EHHADH: variants seen among roughly 807,000 people sequenced by gnomAD.
EHHADH encodes the protein enoyl-CoA hydratase and 3-hydroxyacyl CoA dehydrogenase.
EHHADH carries 48 observed loss-of-function variants against 64.4 expected under a neutral mutation model. The ratio of observed to expected loss-of-function variants is 0.75; its 90% CI spans 0.59 to 0.95. The LOEUF (loss-of-function observed/expected upper bound fraction) is 0.95. Ranked by LOEUF, EHHADH falls within the 40% of genes least tolerant of loss-of-function variation. The pLI is 0.00. For missense variants in EHHADH, 854 were observed against 876.6 expected (o/e 0.97, Z 0.33); for synonymous variants, 308 against 326.7 (o/e 0.94, Z 0.62).
intron 4 of EHHADH, among the ~76,000 whole-genome samples, chr3:185,221,203 A>G (rs1318304856): frequency 2.0e-5 from 3 of 152,178 alleles, no homozygotes; most frequent in South Asian, 2.1e-4. Context: ...CATATACTTT[A>G]AGTATCTGTA....
intron 2 of EHHADH, among the ~76,000 whole-genome samples, chr3:185,244,478 T>C (rs1233887411): frequency 6.6e-6 from 1 of 152,202 alleles, no homozygotes; most frequent in Non-Finnish European, 1.5e-5. Context: ...TTCCATACTG[T>C]CCTTGTCAGG....
At chr3:185,247,183 T>C (rs1482976865) in intron 2 of EHHADH, among the ~76,000 whole-genome samples, 2 of 152,202 alleles carry the variant, frequency 1.3e-5, no homozygotes, top group African/African-American at 4.8e-5. Context: ...ATGTATATTC[T>C]CCCATTTTGG....
intron 5 of EHHADH, 49 bp from the exon 6 acceptor site, chr3:185,204,806 A>G (rs1718343159): frequency 6.9e-7 from 1 of 1,449,586 alleles, no homozygotes; most frequent in Non-Finnish European, 9.4e-7. Flanking sequence ...ACTTGTACAA[A>G]GGGAATGTGA....
chr3:185,204,879 A>G, intron 5 of EHHADH, 122 bp from the exon 6 acceptor site: 1 of 734,748 alleles, frequency 1.4e-6, no homozygotes, highest in South Asian at 2.0e-5. Flanking sequence ...ATTCATTAAG[A>G]CATTTAATGT....
At chr3:185,239,769 A>C (rs189386058) in intron 2 of EHHADH, among the ~76,000 whole-genome samples, 134 of 151,840 alleles carry the variant, frequency 8.8e-4, no homozygotes, top group African/African-American at 3.1e-3. Flanking sequence ...GATGCCTTTT[A>C]TTTCTTTCTG....
rs1028221067 is a variant in EHHADH at position 185,192,060 on chromosome 3, T to C, written c.*166A>G. On this transcript the variant is annotated 3_prime_UTR_variant, in exon 7 of 7. Coordinates refer to ENST00000231887, the MANE Select transcript of EHHADH (RefSeq NM_001966.4). ...CAGATTCAGAGGCATAGGAAGCACA[T>C]TCCTAAAGATTTGACCATTAGAGTC... 6.5e-6 allele frequency: 5 copies of C among 770,410 alleles called. No homozygotes were observed. The highest frequency in any genetic ancestry group is 1.0e-5 in the Non-Finnish European group (5 of 490,364). 47.7% of individuals were successfully genotyped at this position (770,410 alleles called of 1,614,324 possible).
In EHHADH at chr3:185,235,629, A is replaced by G. The variant is rs142364870; in HGVS notation, c.179-167T>C. Among the ~76,000 whole-genome samples, 967 of 152,308 alleles carry G rather than the reference A, an allele frequency of 6.3e-3. 7 individuals are homozygous for G. The highest frequency in any genetic ancestry group is 0.022 in the African/African-American group (915 of 41,568). On this transcript the variant is annotated intron_variant, in intron 2 of 6. Transcript: ENST00000231887. ...GTCTCAGACCTCTTTGGGCCCTTAC[A>G]CTTCATCCTTGGCTGAAAACAAGTA...
In EHHADH at chr3:185,193,000, A is replaced by G; in HGVS notation, c.1398T>C (p.Ile466=). 1 of 1,614,216 alleles carries G rather than the reference A, an allele frequency of 6.2e-7. No individual in the cohort carries two copies. Among genetic ancestry groups the G allele is most frequent in the Non-Finnish European group, 8.5e-7 (1 of 1,180,044 alleles). Residue 466 remains isoleucine, a synonymous_variant, in exon 7 of 7, where the codon ATT becomes ATC. Transcript: ENST00000231887. ...TGCCTACAACGACTCCAATCTTTTTAATCTTTTTTGATAAGTTCATAACAG... is the reference window on the plus strand; with the variant it reads ...TGCCTACAACGACTCCAATCTTTTTGATCTTTTTTGATAAGTTCATAACAG... The part of the protein sequence containing the change: ...IATVMNLSKK[I]KKIGVVVGNC...
rs759745462 is a variant in EHHADH at position 185,193,263 on chromosome 3, T to C, written c.1135A>G (p.Ile379Val). 10 of 1,601,254 alleles carry C rather than the reference T, an allele frequency of 6.2e-6. No individual in the cohort carries two copies. In the Admixed American group the frequency reaches 8.6e-5, roughly 14 times the overall value. The part of the protein sequence containing the change: ...VKELGGVDLV[I>V]EAVFEEMSLK... ...CTCATTTCCTCAAATACTGCTTCAA[T>C]GACTAAATCTACACCACCAAGCTCC... The change falls in exon 7 of 7, where the codon ATT (isoleucine) becomes GTT (valine). Residue 379 changes from isoleucine (I) to valine (V), a missense_variant. Coordinates refer to ENST00000231887, the MANE Select transcript of EHHADH (RefSeq NM_001966.4).
intron 6 of EHHADH, among the ~76,000 whole-genome samples, chr3:185,197,089 G>A (rs1560006170): frequency 6.6e-6 from 1 of 152,110 alleles, no homozygotes. Flanking sequence ...CAAATCCACA[G>A]AGACAGAAAA....
At position 185,218,305 on chromosome 3, in the gene EHHADH, T is replaced by C. The variant is rs1188222419; in HGVS notation, c.464-65A>G. ...GCGATGTAAGATTAAAGCAAAAGCA[T>C]TACTCTCTCTAGTAGGAAAGGCTGT... is the stretch of plus-strand genomic sequence containing the variant. On this transcript the variant is annotated intron_variant, in intron 4 of 6. Coordinates refer to ENST00000231887, the MANE Select transcript of EHHADH (RefSeq NM_001966.4). The C allele has an allele frequency of 3.5e-6, 4 of 1,129,348 alleles. No individual in the cohort carries two copies. The East Asian group carries it at 9.9e-5, about 28-fold the overall frequency. 70.0% of individuals were successfully genotyped at this position (1,129,348 alleles called of 1,614,324 possible). A position where few individuals can be genotyped will look rare whatever the true frequency, so the allele number is the denominator to read the frequency against.
rs770381467 is a variant in EHHADH, at chr3:185,192,981, C to T, written c.1417G>A (p.Val473Ile). Residue 473 changes from valine (V) to isoleucine (I), a missense_variant, in exon 7 of 7, where the codon GTA becomes ATA. Val to Ile is a conservative substitution (Grantham distance 29, BLOSUM62 3). Coordinates refer to ENST00000231887, the MANE Select transcript of EHHADH (RefSeq NM_001966.4). ...SKKIKKIGVV[V>I]GNCFGFVGNR... Reference sequence around the variant, plus strand: ...CCCACAAATCCAAAACAGTTGCCTACAACGACTCCAATCTTTTTAATCTTT... The same window carrying T: ...CCCACAAATCCAAAACAGTTGCCTATAACGACTCCAATCTTTTTAATCTTT... 15 of 1,614,114 alleles carry T rather than the reference C, an allele frequency of 9.3e-6. No individual in the cohort carries two copies. In the South Asian group the frequency reaches 1.3e-4, roughly 14 times the overall value.
chr3:185,217,538 T>A (rs573703415), intron 5 of EHHADH, among the ~76,000 whole-genome samples: 183 of 106,126 alleles, frequency 1.7e-3, no homozygotes, highest in African/African-American at 6.4e-3. Flanking sequence ...AGAGCGGGAC[T>A]CTGTCTCAGA....
chr3:185,198,706 G>T (rs563211578), intron 6 of EHHADH, among the ~76,000 whole-genome samples: 13 of 152,020 alleles, frequency 8.6e-5, no homozygotes, highest in Middle Eastern at 3.4e-3. Context: ...AAAATTAGCC[G>T]GGCATAGTGG....
intron 2 of EHHADH, among the ~76,000 whole-genome samples, chr3:185,237,572 C>T (rs554508267): frequency 3.9e-5 from 6 of 152,224 alleles, no homozygotes; most frequent in South Asian, 2.1e-4. Flanking sequence ...TCTTAATGCA[C>T]GTCAAATGTT....
intron 2 of EHHADH, among the ~76,000 whole-genome samples, chr3:185,241,766 C>T (rs551367508): frequency 6.6e-6 from 1 of 152,100 alleles, no homozygotes; most frequent in Non-Finnish European, 1.5e-5. Context: ...ACTCTGCTGA[C>T]TGTTCCTTTT....
chr3:185,208,691 G>A (rs999371153), intron 5 of EHHADH, among the ~76,000 whole-genome samples: 3 of 152,130 alleles, frequency 2.0e-5, no homozygotes, highest in Non-Finnish European at 2.9e-5. Context: ...CAAGAGAAAT[G>A]AAAGCATATG....
intron 5 of EHHADH, among the ~76,000 whole-genome samples, chr3:185,210,548 C>T (rs994677172): frequency 2.0e-5 from 3 of 150,966 alleles, no homozygotes; most frequent in Non-Finnish European, 2.9e-5. Context: ...GAAGGAGAAT[C>T]GCTTTGAATC....
In EHHADH at chr3:185,194,332, G is replaced by T. The variant is rs1053683138; in HGVS notation, c.911-845C>A. 7.2e-5 allele frequency among the ~76,000 whole-genome samples: 11 copies of T among 152,068 alleles called. 1 individual carries two copies. The highest frequency in any genetic ancestry group is 2.4e-4 in the African/African-American group (10 of 41,416). On this transcript the variant is annotated intron_variant, in intron 6 of 6. Coordinates refer to ENST00000231887, the MANE Select transcript of EHHADH (RefSeq NM_001966.4). ...TAAAAAATTAAAAATTAGCCAGGGGGCCAGGTGCAATGGCTCACACTTGTA... is the reference window on the plus strand; with the variant it reads ...TAAAAAATTAAAAATTAGCCAGGGGTCCAGGTGCAATGGCTCACACTTGTA...
Sources: gnomAD v4.1 joint callset for allele counts (sites outside exome capture counted in the v4.1 genomes callset) on GRCh38, gnomAD v4.1.1 for gene constraint, MANE v1.5 for transcripts, NCBI Gene and HGNC (gene_info 2026-07-23, HGNC 2026-07-21) for gene names.